NXPH1: variants seen among roughly 807,000 people sequenced by gnomAD.
NXPH1 encodes the protein neurexophilin-1.
Under a neutral mutation model 23.7 loss-of-function variants are expected in NXPH1, and 5 were observed. That is an observed-to-expected ratio of 0.21 (90% CI 0.11 to 0.44). NXPH1 has a LOEUF of 0.44. NXPH1 is among the 20% of genes least tolerant of loss of function. The pLI is 0.99. For missense variants in NXPH1, 324 were observed against 321.6 expected (o/e 1.01, Z -0.06); for synonymous variants, 144 against 122.2 (o/e 1.18, Z -1.18).
intron 2 of NXPH1, among the ~76,000 whole-genome samples, chr7:8,723,495 G>T (rs971903112): frequency 1.3e-4 from 20 of 152,174 alleles, no homozygotes; most frequent in African/African-American, 4.6e-4. Flanking sequence ...ATTCAGTTTT[G>T]TCTTAAGTAA....
rs1584152446 is a variant in NXPH1 at position 8,435,325 on chromosome 7, C to A, written c.-110-279C>A. On this transcript the variant is annotated intron_variant, in intron 1 of 2. Coordinates refer to ENST00000405863, the MANE Select transcript of NXPH1 (RefSeq NM_152745.3). The surrounding 1 kb of genome is among the most constrained non-coding windows in gnomAD (Gnocchi z 5.9). ...CCTGGGCTCCGAACCAGCCTGCACG[C>A]GGCTCAGTGTGCTCCGCCGCCTGGG... The A allele has an allele frequency of 3.2e-6, 1 of 308,944 alleles. No homozygotes were observed. The highest frequency in any genetic ancestry group is 6.1e-6 in the Non-Finnish European group (1 of 163,390). The allele number at this position is 308,944 out of a possible 1,614,324, so 19.1% of individuals were successfully genotyped here. A position where few individuals can be genotyped will look rare whatever the true frequency, so the allele number is the denominator to read the frequency against.
intron 2 of NXPH1, among the ~76,000 whole-genome samples, chr7:8,514,852 A>T (rs1817664021): frequency 6.6e-6 from 1 of 152,102 alleles, no homozygotes; most frequent in Non-Finnish European, 1.5e-5. Context: ...AGTTGAGATG[A>T]TTTAACCCAG....
At chr7:8,731,399 TGGA>T (rs1337091872) in intron 2 of NXPH1, among the ~76,000 whole-genome samples, 2 of 152,216 alleles carry the variant, frequency 1.3e-5, no homozygotes, top group African/African-American at 4.8e-5. Context: ...TGTGTTCCTT[TGGA>T]GGAGGAGAGG....
intron 2 of NXPH1, among the ~76,000 whole-genome samples, chr7:8,710,639 C>CG (rs1313179712): frequency 0.071 from 2,281 of 32,302 alleles, 720 homozygotes; most frequent in African/African-American, 0.15. Flanking sequence ...TCAACTGTTA[C>CG]GTTTTTTGTT....
chr7:8,507,128 G>A (rs1399910181), intron 2 of NXPH1, among the ~76,000 whole-genome samples: 6 of 151,724 alleles, frequency 4.0e-5, no homozygotes, highest in Non-Finnish European at 7.4e-5. Flanking sequence ...AGAGGTGGGT[G>A]CAGAAGAAGC....
At chr7:8,626,271 A>T (rs1819985687) in intron 2 of NXPH1, among the ~76,000 whole-genome samples, 1 of 152,132 alleles carries the variant, frequency 6.6e-6, no homozygotes, top group Non-Finnish European at 1.5e-5. Flanking sequence ...TTGGATATAC[A>T]TCATAAATTA....
At chr7:8,480,847 A>T (rs1817061398) in intron 2 of NXPH1, among the ~76,000 whole-genome samples, 1 of 152,176 alleles carries the variant, frequency 6.6e-6, no homozygotes, top group Non-Finnish European at 1.5e-5. Flanking sequence ...TTCCTTAGTG[A>T]TTCACTAAGT....
intron 2 of NXPH1, among the ~76,000 whole-genome samples, chr7:8,590,761 A>G (rs185998689): frequency 6.6e-6 from 1 of 152,168 alleles, no homozygotes; most frequent in Non-Finnish European, 1.5e-5. Context: ...ATTTTGTTGA[A>G]CTGGTAAGCA....
chr7:8,619,138 C>T (rs977208490), intron 2 of NXPH1, among the ~76,000 whole-genome samples: 5 of 152,078 alleles, frequency 3.3e-5, no homozygotes, highest in African/African-American at 1.2e-4. Flanking sequence ...GCCCTGGTAC[C>T]CTTGGCGAAC....
chr7:8,657,688 A>C (rs1458798515), intron 2 of NXPH1, among the ~76,000 whole-genome samples: 1 of 152,200 alleles, frequency 6.6e-6, no homozygotes, highest in Non-Finnish European at 1.5e-5. Flanking sequence ...TAAACTTCAA[A>C]AATTAAAAGT....
At chr7:8,683,346 A>T (rs952402375) in intron 2 of NXPH1, among the ~76,000 whole-genome samples, 1 of 152,218 alleles carries the variant, frequency 6.6e-6, no homozygotes, top group Non-Finnish European at 1.5e-5. Flanking sequence ...TTTGGAGGAG[A>T]GAAACATCCA....
At chr7:8,462,148 A>C (rs914531056) in intron 2 of NXPH1, among the ~76,000 whole-genome samples, 3 of 152,078 alleles carry the variant, frequency 2.0e-5, no homozygotes, top group Non-Finnish European at 2.9e-5. Flanking sequence ...TCATGGGTTC[A>C]AGTGATTCTC....
intron 2 of NXPH1, among the ~76,000 whole-genome samples, chr7:8,634,682 T>TG (rs1319255142): frequency 6.9e-6 from 1 of 145,652 alleles, no homozygotes; most frequent in Non-Finnish European, 1.5e-5. Flanking sequence ...TTTTTTTTTT[T>TG]TTTTTTTTTT....
chr7:8,486,639 T>C (rs1817163515), intron 2 of NXPH1, among the ~76,000 whole-genome samples: 1 of 152,180 alleles, frequency 6.6e-6, no homozygotes. Flanking sequence ...AATGCCATGC[T>C]GGATCCAGCC....
In NXPH1 at chr7:8,687,545, T is replaced by C. The variant is rs565863402; in HGVS notation, c.55-63463T>C. Among the ~76,000 whole-genome samples, 18 of 152,320 alleles carry C rather than the reference T, an allele frequency of 1.2e-4. No individual in the cohort carries two copies. In the South Asian group the frequency reaches 3.5e-3, roughly 30 times the overall value. ...CTTTTTCCTGTAATATTTATGTCTC[T>C]GGACATTTTTGTCCCTGAACATGCA... On this transcript the variant is annotated intron_variant, in intron 2 of 2. Transcript: ENST00000405863.
chr7:8,625,340 T>C (rs932595737), intron 2 of NXPH1, among the ~76,000 whole-genome samples: 2 of 152,164 alleles, frequency 1.3e-5, no homozygotes, highest in African/African-American at 4.8e-5. Flanking sequence ...TGGCAATTTC[T>C]GGTAGGAAGT....
intron 2 of NXPH1, among the ~76,000 whole-genome samples, chr7:8,499,680 G>C (rs1817398578): frequency 6.6e-6 from 1 of 152,072 alleles, no homozygotes; most frequent in Admixed American, 6.6e-5. Context: ...AACTCACCAA[G>C]TCAGAACAAC....
chr7:8,587,555 A>T (rs1298898459), intron 2 of NXPH1, among the ~76,000 whole-genome samples: 2 of 152,134 alleles, frequency 1.3e-5, no homozygotes, highest in Non-Finnish European at 2.9e-5. Context: ...TTACATAGGC[A>T]TACACGTGTC....
rs34744233 is a variant in NXPH1, at chr7:8,524,241, CAAAA to C, written c.54+88494_54+88497del. 4.9e-3 allele frequency among the ~76,000 whole-genome samples: 362 copies of C among 73,676 alleles called. 2 individuals carry two copies. The highest frequency in any genetic ancestry group is 0.016 in the Admixed American group (93 of 5,776). 48.3% of individuals were successfully genotyped at this position (73,676 alleles called of 152,430 possible). On this transcript the variant is annotated intron_variant, in intron 2 of 2. Coordinates refer to ENST00000405863, the MANE Select transcript of NXPH1 (RefSeq NM_152745.3). Reference sequence around the variant, plus strand: ...TGGGTGACAGAGTGAGACTCTGTCTCAAAAAAAAAAAAAAAAAAAAAAAGGAAAG... The same window carrying C: ...TGGGTGACAGAGTGAGACTCTGTCTCAAAAAAAAAAAAAAAAAAAGGAAAG...
Sources: allele counts gnomAD v4.1 joint callset (sites outside exome capture counted in the v4.1 genomes callset), GRCh38; gene constraint gnomAD v4.1.1; non-coding constraint Gnocchi (gnomAD v3.1); transcripts MANE v1.5; gene names NCBI Gene and HGNC (gene_info 2026-07-23, HGNC 2026-07-21).